The following POMGNT2 variants were observed in gnomAD, a reference collection of about 807,000 sequenced individuals.
The protein encoded by POMGNT2 is protein O-linked mannose N-acetylglucosaminyltransferase 2 (beta 1,4-).
In POMGNT2, 32 loss-of-function variants were observed where a neutral mutation model predicts 37.8. That is an observed-to-expected ratio of 0.85 (90% CI 0.64 to 1.14). The LOEUF (loss-of-function observed/expected upper bound fraction) is 1.14. POMGNT2 is among the 50% of genes most tolerant of loss of function. The pLI is 0.00. For synonymous variants in POMGNT2, 340 were observed against 336.8 expected (o/e 1.01, Z -0.10); for missense variants, 705 against 780.6 (o/e 0.90, Z 1.15).
At chr3:43,081,585 C>G (rs2089857120) in intron 1 of POMGNT2, 49 bp from the exon 2 acceptor site, 1 of 695,186 alleles carries the variant, frequency 1.4e-6, no homozygotes. Flanking sequence ...GTCTTCCTGG[C>G]ATCATTACAA....
rs1396503282 is a variant in POMGNT2 at position 43,084,880 on chromosome 3, C to CT, written c.-105-3345dup. 6.1e-4 allele frequency among the ~76,000 whole-genome samples: 92 copies of CT among 150,298 alleles called. 1 individual carries two copies. The Middle Eastern group carries it at 0.01, about 17-fold the overall frequency. On this transcript the variant is annotated intron_variant, in intron 1 of 1. Coordinates refer to ENST00000344697, the MANE Select transcript of POMGNT2 (RefSeq NM_032806.6). ...AATTTCCATTTAGTTTTTATAACTT[C>CT]TTTTTTTTTGCTAAAACTTATCCTG...
chr3:43,099,712 C>A (rs887996776), intron 1 of POMGNT2, among the ~76,000 whole-genome samples: 4 of 152,088 alleles, frequency 2.6e-5, no homozygotes, highest in South Asian at 2.1e-4. Flanking sequence ...TGCAGGGTGA[C>A]GCTTTATGGC....
rs186612053 is a variant in POMGNT2 at position 43,084,572 on chromosome 3, G to A, written c.-105-3036C>T. ...AGGCAGGAGAATGGCATGAACCCAG[G>A]AGGTGGAGCTTGCAGTGAGCCGAGA... On this transcript the variant is annotated intron_variant, in intron 1 of 1. Transcript: ENST00000344697. 7.2e-3 allele frequency among the ~76,000 whole-genome samples: 1,101 copies of A among 151,972 alleles called. 13 individuals are homozygous for A. Among genetic ancestry groups the A allele is most frequent in the African/African-American group, 0.025 (1,044 of 41,440 alleles).
Position 43,079,878 on chromosome 3 carries a change from C to T in POMGNT2, c.1554G>A (p.Arg518=). The T allele has an allele frequency of 6.2e-7, 1 of 1,614,178 alleles. No individual in the cohort carries two copies. The change falls in exon 2 of 2, where the codon AGG becomes AGA. Residue 518 remains arginine (R), a synonymous_variant. Transcript: ENST00000344697. ...GCAGCCACACCTCGTACTTCACCTC[C>T]CTCACCTTCAGGTATTTAAGGTTCC... ...IPWNLKYLKV[R]EVKYEVWLQE...
At chr3:43,099,787 C>T (rs1438900026) in intron 1 of POMGNT2, among the ~76,000 whole-genome samples, 1 of 152,048 alleles carries the variant, frequency 6.6e-6, no homozygotes, top group Non-Finnish European at 1.5e-5. Context: ...AAGGAGGTGA[C>T]AGAATTAGGC....
At chr3:43,082,152 A>AG (rs2089862293) in intron 1 of POMGNT2, among the ~76,000 whole-genome samples, 3 of 152,350 alleles carry the variant, frequency 2.0e-5, no homozygotes, top group Non-Finnish European at 2.9e-5. Flanking sequence ...GGCCATAGGA[A>AG]AGACAGGCCA....
intron 1 of POMGNT2, among the ~76,000 whole-genome samples, chr3:43,103,697 A>G (rs565943225): frequency 8.7e-4 from 133 of 152,304 alleles, no homozygotes; most frequent in Non-Finnish European, 1.5e-3. Context: ...CTGGGCTTCA[A>G]GAATGCAAGA....
Position 43,081,198 on chromosome 3 carries a change from G to C in POMGNT2, c.234C>G (p.Ile78Met). The change falls in exon 2 of 2, where the codon ATC becomes ATG. Residue 78 changes from isoleucine (I) to methionine (M), a missense_variant. Ile to Met is a conservative substitution (Grantham distance 10). Coordinates refer to ENST00000344697, the MANE Select transcript of POMGNT2 (RefSeq NM_032806.6). ...AGTAGCAGAGCCACTTGAAGCGGCAGATGCGGTCTGTGTGCGTGCGGCCCG... is the reference window on the plus strand; with the variant it reads ...AGTAGCAGAGCCACTTGAAGCGGCACATGCGGTCTGTGTGCGTGCGGCCCG... ...VCTGRTHTDRICRFKWLCYSN... is the reference protein window; with the variant it reads ...VCTGRTHTDRMCRFKWLCYSN... 6.2e-7 allele frequency: 1 copy of C among 1,614,186 alleles called. No homozygotes were observed. Among genetic ancestry groups the C allele is most frequent in the Non-Finnish European group, 8.5e-7 (1 of 1,180,040 alleles).
intron 1 of POMGNT2, among the ~76,000 whole-genome samples, chr3:43,086,044 G>A (rs780122424): frequency 4.0e-5 from 6 of 148,326 alleles, no homozygotes; most frequent in Non-Finnish European, 9.1e-5. Context: ...AGCTATATTA[G>A]TAAAAGGGAT....
At position 43,080,742 on chromosome 3, in the gene POMGNT2, G is replaced by C; in HGVS notation, c.690C>G (p.Ser230=). 1 of 1,614,116 alleles carries C rather than the reference G, an allele frequency of 6.2e-7. No homozygotes were observed. The highest frequency in any genetic ancestry group is 8.5e-7 in the Non-Finnish European group (1 of 1,180,034). ...LKTLGRLLCF[S]HAFVGLSKIT... ...TCTTGGAGAGGCCCACAAAAGCATG[G>C]GAGAAGCACAGCAGCCGGCCCAGGG... is the stretch of plus-strand genomic sequence containing the variant. Residue 230 remains serine (S), a synonymous_variant, in exon 2 of 2, where the codon TCC becomes TCG. Coordinates refer to ENST00000344697, the MANE Select transcript of POMGNT2 (RefSeq NM_032806.6).
rs1406930454 is a variant in POMGNT2 at position 43,081,175 on chromosome 3, T to C, written c.257A>G (p.Tyr86Cys). ...GATGAACTCCTCAGCCTCGTTGGAG[T>C]AGCAGAGCCACTTGAAGCGGCAGAT... is the stretch of plus-strand genomic sequence containing the variant. ...DRICRFKWLC[Y>C]SNEAEEFIFF... The change falls in exon 2 of 2, where the codon TAC (tyrosine) becomes TGC (cysteine). Residue 86 changes from tyrosine (Y) to cysteine (C), a missense_variant. Coordinates refer to ENST00000344697, the MANE Select transcript of POMGNT2 (RefSeq NM_032806.6). The C allele has an allele frequency of 6.2e-7, 1 of 1,613,986 alleles. No individual in the cohort carries two copies.
At chr3:43,092,622 TAATGACATGTAA>T (rs1023722522) in intron 1 of POMGNT2, among the ~76,000 whole-genome samples, 2 of 152,186 alleles carry the variant, frequency 1.3e-5, no homozygotes, top group African/African-American at 4.8e-5. Flanking sequence ...CTATAAATAT[TAATGACATGTAA>T]AATGACATGA....
At chr3:43,084,538 G>A (rs112867617) in intron 1 of POMGNT2, among the ~76,000 whole-genome samples, 1 of 152,072 alleles carries the variant, frequency 6.6e-6, no homozygotes, top group Non-Finnish European at 1.5e-5. Context: ...CCAGCTACTC[G>A]GGAGACTGAG....
chr3:43,081,045 G>A lies in POMGNT2; in HGVS notation c.387C>T (p.Tyr129=). ...CAGCAGGCAGCTCCACGAAGTTGAAGTACTGAGTGTTGTGGTCCTCCACGG... is the reference window on the plus strand; with the variant it reads ...CAGCAGGCAGCTCCACGAAGTTGAAATACTGAGTGTTGTGGTCCTCCACGG... ...LSTVEDHNTQ[Y]FNFVELPAAA... Residue 129 remains tyrosine, a synonymous_variant, in exon 2 of 2, where the codon TAC becomes TAT. Transcript: ENST00000344697. 1.2e-6 allele frequency: 2 copies of A among 1,614,232 alleles called. No individual in the cohort carries two copies. Among genetic ancestry groups the A allele is most frequent in the Non-Finnish European group, 1.7e-6 (2 of 1,180,040 alleles).
At chr3:43,081,837 G>A (rs1190979734) in intron 1 of POMGNT2, among the ~76,000 whole-genome samples, 1 of 152,258 alleles carries the variant, frequency 6.6e-6, no homozygotes, top group Non-Finnish European at 1.5e-5. Flanking sequence ...GGTTTGGAAA[G>A]TGTTTGGGCT....
intron 1 of POMGNT2, among the ~76,000 whole-genome samples, chr3:43,095,664 G>T (rs907392140): frequency 6.6e-6 from 1 of 152,192 alleles, no homozygotes; most frequent in Non-Finnish European, 1.5e-5. Context: ...GGAGGTTGAG[G>T]AGGTTGAGTG....
chr3:43,089,700 G>A (rs1012236222), intron 1 of POMGNT2, among the ~76,000 whole-genome samples: 1 of 152,106 alleles, frequency 6.6e-6, no homozygotes, highest in African/African-American at 2.4e-5. Context: ...GTGGGCACAG[G>A]AGCATGTTCC....
chr3:43,103,326 G>A (rs1018434733), intron 1 of POMGNT2, among the ~76,000 whole-genome samples: 8 of 152,086 alleles, frequency 5.3e-5, no homozygotes, highest in Non-Finnish European at 1.2e-4. Flanking sequence ...ACAAAGCAAA[G>A]ATAAGGCTCA....
At chr3:43,084,648 C>CAAAA (rs58875803) in intron 1 of POMGNT2, among the ~76,000 whole-genome samples, 1 of 117,160 alleles carries the variant, frequency 8.5e-6, no homozygotes, top group African/African-American at 3.5e-5. Context: ...GACTCCGTCT[C>CAAAA]AAAAAAAAAA....
Sources: gnomAD v4.1 joint callset for allele counts (sites outside exome capture counted in the v4.1 genomes callset) on GRCh38, gnomAD v4.1.1 for gene constraint, MANE v1.5 for transcripts, NCBI Gene and HGNC (gene_info 2026-07-23, HGNC 2026-07-21) for gene names.